MEIS2: variants seen among roughly 807,000 people sequenced by gnomAD.
MEIS2 encodes Meis homeobox 2.
A neutral mutation model predicts 58.6 loss-of-function variants in MEIS2; 9 were observed. The observed-to-expected ratio is 0.15, with a 90% CI of 0.09 to 0.27. MEIS2 has a LOEUF of 0.27. Among genes scored for constraint, MEIS2 ranks in the 10% least tolerant of loss-of-function variants. The probability of loss-of-function intolerance (pLI) is 1.00; values close to 1 mark genes in which losing one functional copy is unlikely to be tolerated. For missense variants in MEIS2, 427 were observed against 635.0 expected (o/e 0.67, Z 3.52); for synonymous variants, 221 against 228.4 (o/e 0.97, Z 0.29).
At chr15:36,975,509 G>T (rs1212476918) in intron 8 of MEIS2, among the ~76,000 whole-genome samples, 1 of 133,412 alleles carries the variant, frequency 7.5e-6, no homozygotes, top group Non-Finnish European at 1.6e-5. Flanking sequence ...TTTACTGAAC[G>T]TCTACCATGT....
chr15:36,993,075 T>G (rs1474179130), intron 8 of MEIS2, among the ~76,000 whole-genome samples: 1 of 152,060 alleles, frequency 6.6e-6, no homozygotes, highest in African/African-American at 2.4e-5. Context: ...CATTTTATCT[T>G]CAAAAAACGG....
chr15:36,929,726 C>T (rs1217099241), intron 9 of MEIS2, among the ~76,000 whole-genome samples: 1 of 152,194 alleles, frequency 6.6e-6, no homozygotes, highest in Non-Finnish European at 1.5e-5. Context: ...GCTTAAGGAA[C>T]ATTAGTGGGC....
At chr15:36,929,060 T>G (rs1170319194) in intron 9 of MEIS2, among the ~76,000 whole-genome samples, 20 of 152,234 alleles carry the variant, frequency 1.3e-4, no homozygotes, top group Admixed American at 1.3e-3. Flanking sequence ...TCTTCTGTCT[T>G]CCTCAATAGA....
chr15:37,058,366 C>T (rs1413682285), intron 7 of MEIS2, among the ~76,000 whole-genome samples: 9 of 152,146 alleles, frequency 5.9e-5, no homozygotes, highest in South Asian at 2.1e-4. Context: ...TTTTAGGAAA[C>T]GCTCTCAAGT....
intron 7 of MEIS2, among the ~76,000 whole-genome samples, chr15:37,068,652 T>C (rs1333798391): frequency 6.6e-6 from 1 of 152,226 alleles, no homozygotes; most frequent in East Asian, 1.9e-4. Context: ...ATTCTTGTTT[T>C]CCTTACCTCC....
chr15:36,998,097 T>C (rs766206796), intron 8 of MEIS2, among the ~76,000 whole-genome samples: 4 of 152,146 alleles, frequency 2.6e-5, no homozygotes, highest in Non-Finnish European at 5.9e-5. Context: ...CTTCAGGCCA[T>C]TTTCCTCACG....
intron 8 of MEIS2, among the ~76,000 whole-genome samples, chr15:36,967,269 A>C (rs948698352): frequency 2.0e-5 from 3 of 151,950 alleles, no homozygotes; most frequent in African/African-American, 7.3e-5. Context: ...TCAGCATCTT[A>C]TTTTCCTGTT....
chr15:37,052,825 T>C (rs756934823), intron 7 of MEIS2, among the ~76,000 whole-genome samples: 5 of 152,296 alleles, frequency 3.3e-5, no homozygotes, highest in Middle Eastern at 3.4e-3. Flanking sequence ...AACTCATATC[T>C]CAAAACGGCA....
Position 37,099,429 on chromosome 15 carries a change from GGTAAGT to G in MEIS2, c.12+20_12+25del. On this transcript the variant is annotated intron_variant, in intron 1 of 11. Coordinates refer to ENST00000561208, the MANE Select transcript of MEIS2 (RefSeq NM_170675.5). ...CCTCTTAGGAGAGGATTTATATCTA[GGTAAGT>G]GTTGGAGATTTAAACCTACCCTTTG... 1 of 1,614,110 alleles carries G rather than the reference GGTAAGT, an allele frequency of 6.2e-7. No individual in the cohort carries two copies. The highest frequency in any genetic ancestry group is 8.5e-7 in the Non-Finnish European group (1 of 1,179,992).
chr15:36,967,842 C>A (rs955025688), intron 8 of MEIS2, among the ~76,000 whole-genome samples: 7 of 152,210 alleles, frequency 4.6e-5, no homozygotes, highest in Non-Finnish European at 8.8e-5. Context: ...TATACCTCTC[C>A]TCCCCATGAA....
At chr15:37,046,655 T>C (rs887584116) in intron 7 of MEIS2, among the ~76,000 whole-genome samples, 4 of 152,180 alleles carry the variant, frequency 2.6e-5, no homozygotes, top group African/African-American at 9.7e-5. Flanking sequence ...TGTTAACTGT[T>C]GAACAGAAAC....
intron 7 of MEIS2, among the ~76,000 whole-genome samples, chr15:37,068,204 A>G (rs796810702): frequency 3.9e-5 from 6 of 152,280 alleles, no homozygotes; most frequent in African/African-American, 1.4e-4. Flanking sequence ...GCTCTTAAGA[A>G]CAAAGTTATG....
intron 7 of MEIS2, among the ~76,000 whole-genome samples, chr15:37,053,181 T>C (rs1328751678): frequency 3.9e-5 from 6 of 152,340 alleles, no homozygotes; most frequent in Non-Finnish European, 7.3e-5. Context: ...ATCTTTGCTG[T>C]AAGATCAGAC....
chr15:36,891,952 TCCAGAGGA>T lies in MEIS2; in HGVS notation c.*213_*220del. On this transcript the variant is annotated 3_prime_UTR_variant, in exon 12 of 12. Coordinates refer to ENST00000561208, the MANE Select transcript of MEIS2 (RefSeq NM_170675.5). The stretch of plus-strand genomic sequence containing the variant: ...GTAGTTATAACTCTCGGAGTCTTTT[TCCAGAGGA>T]TCTTTACATGGACAGAATTGTCTCA... 1.7e-6 allele frequency: 1 copy of T among 592,178 alleles called. No homozygotes were observed. The highest frequency in any genetic ancestry group is 3.0e-6 in the Non-Finnish European group (1 of 336,508). 36.7% of individuals were successfully genotyped at this position (592,178 alleles called of 1,614,324 possible). A position where few individuals can be genotyped will look rare whatever the true frequency, so the allele number is the denominator to read the frequency against.
At chr15:37,045,447 G>A (rs185814050) in intron 7 of MEIS2, among the ~76,000 whole-genome samples, 1 of 151,894 alleles carries the variant, frequency 6.6e-6, no homozygotes, top group East Asian at 1.9e-4. Context: ...GCACCCCACT[G>A]AGAAACCTGC....
intron 8 of MEIS2, among the ~76,000 whole-genome samples, chr15:36,962,711 A>G (rs2059226708): frequency 6.6e-6 from 1 of 152,234 alleles, no homozygotes; most frequent in Admixed American, 6.5e-5. Flanking sequence ...AATCATATAC[A>G]TGATTAAAAT....
chr15:36,900,471 T>C (rs2056411182), intron 9 of MEIS2, among the ~76,000 whole-genome samples: 3 of 152,184 alleles, frequency 2.0e-5, no homozygotes, highest in African/African-American at 7.2e-5. Context: ...AAGTAGAAAA[T>C]GCATGAGTAT....
intron 8 of MEIS2, among the ~76,000 whole-genome samples, chr15:36,990,736 T>TA (rs2060244213): frequency 6.6e-6 from 1 of 152,066 alleles, no homozygotes; most frequent in African/African-American, 2.4e-5. Flanking sequence ...TTGTAGATTT[T>TA]AAAAAGAAGC....
rs968760296 is a variant in MEIS2, at chr15:36,890,609, A to G, written c.*1564T>C. On this transcript the variant is annotated 3_prime_UTR_variant, in exon 12 of 12. Coordinates refer to ENST00000561208, the MANE Select transcript of MEIS2 (RefSeq NM_170675.5). Reference sequence around the variant, plus strand: ...TTACATATCCAACAATATTGTAGTAAGACAGGCAGAGGAAAAACACAGGCA... The same window carrying G: ...TTACATATCCAACAATATTGTAGTAGGACAGGCAGAGGAAAAACACAGGCA... 2 of 152,194 alleles carry G rather than the reference A, an allele frequency of 1.3e-5. No individual in the cohort carries two copies. Among genetic ancestry groups the G allele is most frequent in the African/African-American group, 4.8e-5 (2 of 41,456 alleles). The allele number at this position is 152,194 out of a possible 1,614,324, so 9.4% of individuals were successfully genotyped here.
Sources: gnomAD v4.1 joint callset for allele counts (sites outside exome capture counted in the v4.1 genomes callset) on GRCh38, gnomAD v4.1.1 for gene constraint, MANE v1.5 for transcripts, NCBI Gene and HGNC (gene_info 2026-07-23, HGNC 2026-07-21) for gene names.